Variants in GOLGA6C observed in about 807,000 individuals in gnomAD.
The protein encoded by GOLGA6C is golgin subfamily A member 6C.
GOLGA6C carries 3 observed loss-of-function variants against 57.5 expected under a neutral mutation model. The ratio of observed to expected loss-of-function variants is 0.05; its 90% CI spans 0.02 to 0.13. The LOEUF is 0.13. Ranked by LOEUF, GOLGA6C falls within the 10% of genes least tolerant of loss-of-function variation. The pLI, the probability that GOLGA6C is intolerant of heterozygous loss-of-function variation, is 1.00. For missense variants in GOLGA6C, 88 were observed against 525.6 expected (o/e 0.17, Z 8.14); for synonymous variants, 32 against 203.8 (o/e 0.16, Z 7.18).
chr15:75,260,552 T>G (rs960406986), intron 2 of GOLGA6C, 60 bp downstream of exon 2: 1 of 887,586 alleles, frequency 1.1e-6, no homozygotes, highest in Admixed American at 2.7e-5. Flanking sequence ...TAGAGGGTAA[T>G]TGTTGAGATT....
chr15:75,258,867 A>G lies in GOLGA6C; in HGVS notation c.84+185A>G, dbSNP rs1424239851. Among the ~76,000 whole-genome samples, 8 of 147,746 alleles carry G rather than the reference A, an allele frequency of 5.4e-5. No homozygotes were observed. The South Asian group carries it at 6.7e-4, about 12-fold the overall frequency. ...GCCCCGCCCCTTCAGCAAGCAGCCC[A>G]GCCTCTGCCCTCGCCAATCACCCTG... On this transcript the variant is annotated intron_variant, in intron 1 of 17. Transcript: ENST00000300576.
chr15:75,260,947 G>C (rs1567162577), intron 2 of GOLGA6C, among the ~76,000 whole-genome samples: 1 of 47,852 alleles, frequency 2.1e-5, no homozygotes, highest in Non-Finnish European at 4.3e-5. Flanking sequence ...GCAAGAGAAG[G>C]TCTAACTTGC....
At position 75,270,365 on chromosome 15, in the gene GOLGA6C, G is replaced by C. The variant is rs1457029348; in HGVS notation, c.*166G>C. Among the ~76,000 whole-genome samples the C allele has an allele frequency of 4.9e-5, 7 of 143,388 alleles. No individual in the cohort carries two copies. Among genetic ancestry groups the C allele is most frequent in the African/African-American group, 1.3e-4 (5 of 37,082 alleles). The allele number at this position is 143,388 out of a possible 152,430, so 94.1% of individuals were successfully genotyped here. A position where few individuals can be genotyped will look rare whatever the true frequency, so the allele number is the denominator to read the frequency against. ...CCTACACAATTCATTTACTCCATTT[G>C]AATGCTAGAGCCACTCACATTTATT... is the stretch of plus-strand genomic sequence containing the variant. On this transcript the variant is annotated 3_prime_UTR_variant, in exon 18 of 18. Coordinates refer to ENST00000300576, the MANE Select transcript of GOLGA6C (RefSeq NM_001164404.2).
At position 75,273,185 on chromosome 15, in the gene GOLGA6C, A is replaced by C. The variant is rs1245683138; in HGVS notation, c.*2986A>C. Among the ~76,000 whole-genome samples, 1 of 152,160 alleles carries C rather than the reference A, an allele frequency of 6.6e-6. No homozygotes were observed. Among genetic ancestry groups the C allele is most frequent in the Non-Finnish European group, 1.5e-5 (1 of 68,050 alleles). On this transcript the variant is annotated 3_prime_UTR_variant, in exon 18 of 18. Coordinates refer to ENST00000300576, the MANE Select transcript of GOLGA6C (RefSeq NM_001164404.2). ...TATTCAAAAATGTAACTGCTATCTT[A>C]ATGTTTTGAAATAAGTTAAAACACT...
In GOLGA6C at chr15:75,270,286, A is replaced by C. The variant is rs889526186; in HGVS notation, c.*87A>C. The C allele has an allele frequency of 4.4e-4, 679 of 1,527,584 alleles. 14 individuals are homozygous for C. The highest frequency in any genetic ancestry group is 5.6e-4 in the Non-Finnish European group (633 of 1,139,382). The allele number at this position is 1,527,584 out of a possible 1,614,324, so 94.6% of individuals were successfully genotyped here. A position where few individuals can be genotyped will look rare whatever the true frequency, so the allele number is the denominator to read the frequency against. The stretch of plus-strand genomic sequence containing the variant: ...GGGAGATAAACATCATCATCTTCTA[A>C]GAGCTGGTCAAGAAATTTAAAACAA... On this transcript the variant is annotated 3_prime_UTR_variant, in exon 18 of 18. Coordinates refer to ENST00000300576, the MANE Select transcript of GOLGA6C (RefSeq NM_001164404.2).
In GOLGA6C at chr15:75,258,782, C is replaced by T. The variant is rs1358299973; in HGVS notation, c.84+100C>T. 2.7e-5 allele frequency: 18 copies of T among 672,426 alleles called. 1 individual carries two copies. Among genetic ancestry groups the T allele is most frequent in the Admixed American group, 1.9e-4 (8 of 42,724 alleles). 41.7% of individuals were successfully genotyped at this position (672,426 alleles called of 1,614,324 possible). A position where few individuals can be genotyped will look rare whatever the true frequency, so the allele number is the denominator to read the frequency against. On this transcript the variant is annotated intron_variant, in intron 1 of 17. Coordinates refer to ENST00000300576, the MANE Select transcript of GOLGA6C (RefSeq NM_001164404.2). Reference sequence around the variant, plus strand: ...AGTCCATACCACTCCTGAGGCACACCGGGCTGGGCCCCCCTACCCCGGCGC... The same window carrying T: ...AGTCCATACCACTCCTGAGGCACACTGGGCTGGGCCCCCCTACCCCGGCGC...
chr15:75,259,237 C>T (rs2070723847), intron 1 of GOLGA6C, among the ~76,000 whole-genome samples: 3 of 148,056 alleles, frequency 2.0e-5, no homozygotes, highest in Non-Finnish European at 4.5e-5. Flanking sequence ...GTTTCCCCCA[C>T]CCCCAGGAGG....
intron 7 of GOLGA6C, among the ~76,000 whole-genome samples, chr15:75,264,868 C>CA (rs1388508867): frequency 2.1e-5 from 3 of 145,654 alleles, no homozygotes. Flanking sequence ...CATAACGGTT[C>CA]AAACAGTGGT....
chr15:75,270,155 G>A lies in GOLGA6C; in HGVS notation c.2038G>A (p.Val680Ile), dbSNP rs190843439. The A allele has an allele frequency of 7.1e-5, 113 of 1,592,262 alleles. 5 individuals are homozygous for A. Among genetic ancestry groups the A allele is most frequent in the Non-Finnish European group, 9.2e-5 (108 of 1,174,486 alleles). The change falls in exon 18 of 18, where the codon GTA becomes ATA. Residue 680 changes from valine to isoleucine, a missense_variant. Coordinates refer to ENST00000300576, the MANE Select transcript of GOLGA6C (RefSeq NM_001164404.2). The part of the protein sequence containing the change: ...REGSPHDNPP[V>I]QQIVQLSPVM... The stretch of plus-strand genomic sequence containing the variant: ...GGGTTCTCCCCATGACAACCCCCCG[G>A]TACAGCAGATCGTGCAGCTGTCTCC...
chr15:75,269,308 G>C, intron 14 of GOLGA6C, 145 bp from the exon 15 acceptor site: 1 of 596,574 alleles, frequency 1.7e-6, no homozygotes, highest in South Asian at 2.0e-5. Context: ...GACTGGAGAT[G>C]AGTTTGTGTG....
Position 75,264,470 on chromosome 15 carries a change from G to GTGTT in GOLGA6C, c.564+390_564+391insTTGT, listed in dbSNP as rs2070748153. ...TGTGTGTGTGTGTGTGTGTGTGTGT[G>GTGTT]TGTGTGTACTATGATAATATACAAA... is the stretch of plus-strand genomic sequence containing the variant. On this transcript the variant is annotated intron_variant, in intron 7 of 17. Transcript: ENST00000300576. Among the ~76,000 whole-genome samples, 3 of 135,622 alleles carry GTGTT rather than the reference G, an allele frequency of 2.2e-5. 1 individual carries two copies. Among genetic ancestry groups the GTGTT allele is most frequent in the Non-Finnish European group, 4.6e-5 (3 of 64,694 alleles). The allele number at this position is 135,622 out of a possible 152,430, so 89.0% of individuals were successfully genotyped here. A position where few individuals can be genotyped will look rare whatever the true frequency, so the allele number is the denominator to read the frequency against.
At chr15:75,258,907 G>A (rs543009639) in intron 1 of GOLGA6C, among the ~76,000 whole-genome samples, 6 of 150,876 alleles carry the variant, frequency 4.0e-5, no homozygotes, top group Non-Finnish European at 5.9e-5. Context: ...GACTTTGGGC[G>A]GATGACTACT....
At chr15:75,269,605 GGGACC>G (rs1200426983) in intron 15 of GOLGA6C, 29 bp from the exon 16 acceptor site, 1 of 1,240,310 alleles carries the variant, frequency 8.1e-7, no homozygotes, top group African/African-American at 1.7e-5. Flanking sequence ...GGCCGTCGGA[GGGACC>G]CTAGTGTCTG....
intron 2 of GOLGA6C, among the ~76,000 whole-genome samples, chr15:75,260,753 T>C (rs1204900410): frequency 6.2e-5 from 9 of 145,188 alleles, no homozygotes; most frequent in East Asian, 2.0e-4. Context: ...TGTTAACCCC[T>C]AGTACGTGGC....
In GOLGA6C at chr15:75,273,191, T is replaced by G. The variant is rs1164158475; in HGVS notation, c.*2992T>G. Among the ~76,000 whole-genome samples, 1 of 152,156 alleles carries G rather than the reference T, an allele frequency of 6.6e-6. No homozygotes were observed. Among genetic ancestry groups the G allele is most frequent in the African/African-American group, 2.4e-5 (1 of 41,370 alleles). The stretch of plus-strand genomic sequence containing the variant: ...AAAATGTAACTGCTATCTTAATGTT[T>G]TGAAATAAGTTAAAACACTTTAAAA... On this transcript the variant is annotated 3_prime_UTR_variant, in exon 18 of 18. Transcript: ENST00000300576.
chr15:75,269,189 C>T (rs1302242902), intron 14 of GOLGA6C, among the ~76,000 whole-genome samples: 1 of 146,340 alleles, frequency 6.8e-6, no homozygotes, highest in Non-Finnish European at 1.5e-5. Flanking sequence ...GAGGAGCAGG[C>T]ACGGCTATGT....
chr15:75,258,817 C>G, intron 1 of GOLGA6C, 135 bp downstream of exon 1: 1 of 793,840 alleles, frequency 1.3e-6, no homozygotes, highest in Non-Finnish European at 2.1e-6. Context: ...CCTCTGGGCT[C>G]CCCCCACCAA....
chr15:75,265,012 A>T, intron 7 of GOLGA6C, 110 bp from the exon 8 acceptor site: 1 of 1,283,256 alleles, frequency 7.8e-7, no homozygotes, highest in East Asian at 2.5e-5. Context: ...ACGGGCTTGG[A>T]AATGCCTTGA....
intron 7 of GOLGA6C, among the ~76,000 whole-genome samples, chr15:75,264,439 GGTGT>G (rs368165570): frequency 4.7e-4 from 55 of 117,222 alleles, no homozygotes; most frequent in Middle Eastern, 4.2e-3. Flanking sequence ...AGAGGAAAGG[GGTGT>G]GTGTGTGTGT....
Sources: allele counts gnomAD v4.1 joint callset (sites outside exome capture counted in the v4.1 genomes callset), GRCh38; gene constraint gnomAD v4.1.1; transcripts MANE v1.5; gene names NCBI Gene and HGNC (gene_info 2026-07-23, HGNC 2026-07-21).